IBSP: variants seen among roughly 807,000 people sequenced by gnomAD.
IBSP encodes the protein integrin-binding sialoprotein.
Under a neutral mutation model 25.5 loss-of-function variants are expected in IBSP, and 19 were observed. The observed-to-expected ratio is 0.74, with a 90% CI of 0.52 to 1.09. IBSP has a LOEUF of 1.09. Among genes scored for constraint, IBSP ranks in the 50% least tolerant of loss-of-function variants. The pLI is 0.00. For synonymous variants in IBSP, 144 were observed against 137.6 expected (o/e 1.05, Z -0.33); for missense variants, 360 against 382.3 (o/e 0.94, Z 0.49).
intron 5 of IBSP, among the ~76,000 whole-genome samples, chr4:87,806,713 A>G (rs1722093970): frequency 6.6e-6 from 1 of 152,124 alleles, no homozygotes; most frequent in Non-Finnish European, 1.5e-5. Flanking sequence ...TTCTTTTTAA[A>G]AAAATTTCAG....
At position 87,812,030 on chromosome 4, in the gene IBSP, C is replaced by A; in HGVS notation, c.*120C>A. On this transcript the variant is annotated 3_prime_UTR_variant, in exon 7 of 7. Transcript: ENST00000226284. ...ATATTATAATGAGGAATGGTACTAC[C>A]GTTCCAGATTTTCTGTAATTGCTTC... The A allele has an allele frequency of 1.3e-6, 1 of 748,808 alleles. No individual in the cohort carries two copies. The highest frequency in any genetic ancestry group is 2.1e-6 in the Non-Finnish European group (1 of 486,354). The allele number at this position is 748,808 out of a possible 1,614,324, so 46.4% of individuals were successfully genotyped here. A position where few individuals can be genotyped will look rare whatever the true frequency, so the allele number is the denominator to read the frequency against.
At chr4:87,799,945 A>T (rs1184270104) in intron 1 of IBSP, among the ~76,000 whole-genome samples, 1 of 152,196 alleles carries the variant, frequency 6.6e-6, no homozygotes, top group African/African-American at 2.4e-5. Context: ...ACCTGATTGA[A>T]ATACTATTTT....
At chr4:87,805,756 G>GTTAA (rs1210643254) in intron 4 of IBSP, among the ~76,000 whole-genome samples, 1 of 152,204 alleles carries the variant, frequency 6.6e-6, no homozygotes, top group African/African-American at 2.4e-5. Context: ...AATTGGACCA[G>GTTAA]TTAATTCACT....
chr4:87,807,102 G>A (rs528480101), intron 5 of IBSP, among the ~76,000 whole-genome samples: 1 of 152,180 alleles, frequency 6.6e-6, no homozygotes, highest in East Asian at 1.9e-4. Flanking sequence ...TAGTTTTACA[G>A]ATTAGTGTAG....
At chr4:87,807,911 T>C (rs550993997) in intron 5 of IBSP, among the ~76,000 whole-genome samples, 1 of 152,352 alleles carries the variant, frequency 6.6e-6, no homozygotes, top group East Asian at 1.9e-4. Context: ...TCTGGTGGTT[T>C]GGTTTTGAAA....
chr4:87,812,219 G>A lies in IBSP; in HGVS notation c.*309G>A, dbSNP rs1210663694. The A allele has an allele frequency of 3.7e-6, 1 of 273,166 alleles. No homozygotes were observed. Among genetic ancestry groups the A allele is most frequent in the African/African-American group, 2.2e-5 (1 of 45,656 alleles). 16.9% of individuals were successfully genotyped at this position (273,166 alleles called of 1,614,324 possible). On this transcript the variant is annotated 3_prime_UTR_variant, in exon 7 of 7. Transcript: ENST00000226284. ...AATAGTAGTTTTTAACATGCCTGTA[G>A]TATTGCTAACTGCAAAAACATACTC... is the stretch of plus-strand genomic sequence containing the variant.
Position 87,802,566 on chromosome 4 carries a change from A to T in IBSP, c.105+8A>T. ...GATTCTGAAGAAAATGGGGTAATTA[A>T]TTTTAGCATACTTCCTTGGCCTGAT... On this transcript the variant is annotated splice_region_variant and intron_variant, in intron 3 of 6. Transcript: ENST00000226284. The T allele has an allele frequency of 6.2e-7, 1 of 1,601,318 alleles. No homozygotes were observed. Among genetic ancestry groups the T allele is most frequent in the Non-Finnish European group, 8.5e-7 (1 of 1,174,776 alleles).
Position 87,806,158 on chromosome 4 carries a change from A to G in IBSP, c.220A>G (p.Ser74Gly). The change falls in exon 5 of 7, where the codon AGT (serine) becomes GGT (glycine). Residue 74 changes from serine to glycine, a missense_variant. Ser to Gly is a moderately conservative substitution (Grantham distance 56, BLOSUM62 0). Coordinates refer to ENST00000226284, the MANE Select transcript of IBSP (RefSeq NM_004967.4). Reference protein sequence around the residue: ...SDSSEENGDDSSEEEEEEEET... With the variant: ...SDSSEENGDDGSEEEEEEEET... ...CTCATCCGAAGAAAATGGAGATGAC[A>G]GTTCAGAAGAGGAGGAGGAAGAAGA... The G allele has an allele frequency of 3.7e-6, 6 of 1,611,962 alleles. No individual in the cohort carries two copies. Among genetic ancestry groups the G allele is most frequent in the Non-Finnish European group, 5.1e-6 (6 of 1,179,256 alleles).
Position 87,802,880 on chromosome 4 carries a change from A to G in IBSP, c.183+149A>G, listed in dbSNP as rs1419016128. 4 of 567,102 alleles carry G rather than the reference A, an allele frequency of 7.1e-6. No homozygotes were observed. The South Asian group carries it at 9.1e-5, about 13-fold the overall frequency. 35.1% of individuals were successfully genotyped at this position (567,102 alleles called of 1,614,324 possible). ...ATAAGAAGTTTGTTTTTAGGGAAAT[A>G]AGGTTTATTTCTAAGTTCTCTTTTA... On this transcript the variant is annotated intron_variant, in intron 4 of 6. Coordinates refer to ENST00000226284, the MANE Select transcript of IBSP (RefSeq NM_004967.4).
chr4:87,802,540 G>A lies in IBSP; in HGVS notation c.87G>A (p.Glu29=). 1 of 1,605,498 alleles carries A rather than the reference G, an allele frequency of 6.2e-7. No homozygotes were observed. Among genetic ancestry groups the A allele is most frequent in the Non-Finnish European group, 8.5e-7 (1 of 1,176,648 alleles). The change falls in exon 3 of 7, where the codon GAG becomes GAA. Residue 29 remains glutamate, a synonymous_variant. Coordinates refer to ENST00000226284, the MANE Select transcript of IBSP (RefSeq NM_004967.4). The part of the protein sequence containing the change: ...MKNLHRRVKI[E]DSEENGVFKY... ...ATTTGCATCGAAGAGTCAAAATAGAGGATTCTGAAGAAAATGGGGTAATTA... is the reference window on the plus strand; with the variant it reads ...ATTTGCATCGAAGAGTCAAAATAGAAGATTCTGAAGAAAATGGGGTAATTA...
rs769414391 is a variant in IBSP at position 87,811,433 on chromosome 4, A to G, written c.477A>G (p.Gly159=). 1 of 1,613,824 alleles carries G rather than the reference A, an allele frequency of 6.2e-7. No individual in the cohort carries two copies. Among genetic ancestry groups the G allele is most frequent in the African/African-American group, 1.3e-5 (1 of 75,040 alleles). The change falls in exon 7 of 7, where the codon GGA becomes GGG. Residue 159 remains glycine (G), a synonymous_variant. Coordinates refer to ENST00000226284, the MANE Select transcript of IBSP (RefSeq NM_004967.4). ...AAGAAGAAGAGGAGGAAGAGGAAGG[A>G]AATGAAAACGAAGAAAGCGAAGCAG... ...SDEEEEEEEE[G]NENEESEAEV...
At chr4:87,806,869 G>T (rs993318228) in intron 5 of IBSP, among the ~76,000 whole-genome samples, 2 of 152,042 alleles carry the variant, frequency 1.3e-5, no homozygotes, top group African/African-American at 4.8e-5. Context: ...GCCAGGTGTG[G>T]TGGCATACAC....
chr4:87,801,441 C>T (rs186090152), intron 1 of IBSP, among the ~76,000 whole-genome samples: 4 of 149,206 alleles, frequency 2.7e-5, no homozygotes, highest in Admixed American at 6.8e-5. Context: ...ATTATGGATC[C>T]TCTCTGTCTC....
chr4:87,810,703 G>A lies in IBSP; in HGVS notation c.344G>A (p.Gly115Glu). 6.2e-7 allele frequency: 1 copy of A among 1,613,980 alleles called. No individual in the cohort carries two copies. The highest frequency in any genetic ancestry group is 1.3e-5 in the African/African-American group (1 of 75,024). Residue 115 changes from glycine (G) to glutamate (E), a missense_variant, in exon 6 of 7, where the codon GGA becomes GAA. By Grantham distance (98) the Gly-to-Glu change is moderately conservative. Coordinates refer to ENST00000226284, the MANE Select transcript of IBSP (RefSeq NM_004967.4). The stretch of plus-strand genomic sequence containing the variant: ...CTTTCTGCTACAACACTGGGCTATG[G>A]AGAGGACGCCACGCCTGGCACAGGG... ...TTLSATTLGY[G>E]EDATPGTGYT...
chr4:87,806,100 A>T, intron 4 of IBSP, 22 bp from the exon 5 acceptor site: 2 of 1,568,462 alleles, frequency 1.3e-6, no homozygotes, highest in Admixed American at 1.7e-5. Context: ...AAGAGTATAC[A>T]TACATGTGTA....
At chr4:87,810,385 C>T (rs113778755) in intron 5 of IBSP, among the ~76,000 whole-genome samples, 270 of 152,128 alleles carry the variant, frequency 1.8e-3, no homozygotes, top group African/African-American at 5.9e-3. Context: ...ATATCTAAAA[C>T]ATATAGTGTG....
chr4:87,806,621 G>A (rs1722092653), intron 5 of IBSP, among the ~76,000 whole-genome samples: 1 of 152,134 alleles, frequency 6.6e-6, no homozygotes, highest in Non-Finnish European at 1.5e-5. Context: ...TTTACCAAGA[G>A]GGTAATATGT....
At position 87,802,655 on chromosome 4, in the gene IBSP, T is replaced by G; in HGVS notation, c.107T>G (p.Val36Gly). ...ATATCATTTATTTTGTTTTTGCAGG[T>G]CTTTAAGTACAGGCCACGATATTAT... ...VKIEDSEENGVFKYRPRYYLY... is the reference protein window; with the variant it reads ...VKIEDSEENGGFKYRPRYYLY... The change falls in exon 4 of 7, where the codon GTC (valine) becomes GGC (glycine). Residue 36 changes from valine (V) to glycine (G), a missense_variant and splice_region_variant. Coordinates refer to ENST00000226284, the MANE Select transcript of IBSP (RefSeq NM_004967.4). The G allele has an allele frequency of 6.4e-7, 1 of 1,573,172 alleles. No homozygotes were observed. Among genetic ancestry groups the G allele is most frequent in the African/African-American group, 1.4e-5 (1 of 72,790 alleles).
In IBSP at chr4:87,811,369, A is replaced by C. The variant is rs768008381; in HGVS notation, c.413A>C (p.Asp138Ala). 6.2e-7 allele frequency: 1 copy of C among 1,607,966 alleles called. No homozygotes were observed. The highest frequency in any genetic ancestry group is 8.5e-7 in the Non-Finnish European group (1 of 1,177,924). Residue 138 changes from aspartate (D) to alanine (A), a missense_variant, in exon 7 of 7, where the codon GAT becomes GCT. Asp to Ala is a moderately radical substitution (Grantham distance 126). Coordinates refer to ENST00000226284, the MANE Select transcript of IBSP (RefSeq NM_004967.4). ...TCAAACGTTTCCTTACAGGCTGGGG[A>C]TATAACAAATAAAGCTACAAAAGAG... ...AAIQLPKKAG[D>A]ITNKATKEKE... is the part of the protein sequence containing the mutation.
Sources: allele counts gnomAD v4.1 joint callset (sites outside exome capture counted in the v4.1 genomes callset), GRCh38; gene constraint gnomAD v4.1.1; transcripts MANE v1.5; gene names NCBI Gene and HGNC (gene_info 2026-07-23, HGNC 2026-07-21).